The following MYH14 variants were observed in gnomAD, a reference collection of about 807,000 sequenced individuals.
MYH14 encodes myosin heavy chain 14.
MYH14 carries 123 observed loss-of-function variants against 255.5 expected under a neutral mutation model. The ratio of observed to expected loss-of-function variants is 0.48; its 90% CI spans 0.42 to 0.56. The LOEUF is 0.56. MYH14 is among the 20% of genes least tolerant of loss of function. The pLI, the probability that MYH14 is intolerant of heterozygous loss-of-function variation, is 0.00. For synonymous variants in MYH14, 1,095 were observed against 1,161.2 expected, an observed-to-expected ratio of 0.94 and a Z score of 1.16; for missense variants, 2,423 against 2,802.3, an observed-to-expected ratio of 0.86 and a Z score of 3.06.
intron 17 of MYH14, 29 bp from the exon 18 acceptor site, chr19:50,257,268 TTC>T (rs763157289): frequency 2.7e-3 from 4,009 of 1,458,746 alleles, no homozygotes; most frequent in South Asian, 6.4e-3. Context: ...CCTGACCTCC[TTC>T]TCTCTCTCTC....
intron 10 of MYH14, among the ~76,000 whole-genome samples, chr19:50,243,065 G>A (rs1368878283): frequency 6.6e-6 from 1 of 152,146 alleles, no homozygotes; most frequent in East Asian, 1.9e-4. Context: ...GAGTTACGGT[G>A]CTGTTGGCCT....
chr19:50,286,494 G>A lies in MYH14; in HGVS notation c.4552G>A (p.Glu1518Lys). 6.2e-7 allele frequency: 1 copy of A among 1,612,768 alleles called. No individual in the cohort carries two copies. The highest frequency in any genetic ancestry group is 8.5e-7 in the Non-Finnish European group (1 of 1,179,130). ...CTCAAACTGGAAGCTTCTGGCAGAG[G>A]AGAAGGCAGCTGTACTTCGGGCAGT... ...QRKFDQLLAE[E>K]KAAVLRAVEE... The change falls in exon 34 of 43, where the codon GAG becomes AAG. Residue 1518 changes from glutamate (E) to lysine (K), a missense_variant. By Grantham distance (56) the Glu-to-Lys change is moderately conservative (BLOSUM62 1). Around this residue, in one of 3 missense-constraint regions of MYH14, gnomAD observed 1,513 missense variants for 1,674.8 expected, o/e 0.90. Coordinates refer to ENST00000642316, the MANE Select transcript of MYH14 (RefSeq NM_001145809.2).
Position 50,280,566 on chromosome 19 carries a change from C to T in MYH14, c.4290+183C>T, listed in dbSNP as rs1012962285. Among the ~76,000 whole-genome samples, 1 of 152,158 alleles carries T rather than the reference C, an allele frequency of 6.6e-6. No individual in the cohort carries two copies. Among genetic ancestry groups the T allele is most frequent in the Non-Finnish European group, 1.5e-5 (1 of 68,014 alleles). The stretch of plus-strand genomic sequence containing the variant: ...ATGCCCAGCCCTGGCTGTCCTGACC[C>T]CTGACTCTCAGCCTCATCCCTTGTC... On this transcript the variant is annotated intron_variant, in intron 32 of 42. Coordinates refer to ENST00000642316, the MANE Select transcript of MYH14 (RefSeq NM_001145809.2). The surrounding 1 kb of genome is among the most constrained non-coding windows in gnomAD (Gnocchi z 4.8).
chr19:50,270,697 TA>T (rs1448593313), intron 24 of MYH14, among the ~76,000 whole-genome samples: 1,159 of 54,412 alleles, frequency 0.021, 12 homozygotes, highest in African/African-American at 0.079. Flanking sequence ...ATTTATTATT[TA>T]TTTATTTTTT....
chr19:50,226,542 C>T (rs1222311150), intron 7 of MYH14, among the ~76,000 whole-genome samples: 4 of 147,438 alleles, frequency 2.7e-5, no homozygotes, highest in African/African-American at 7.6e-5. Context: ...GGGCCCAGAT[C>T]CCTGGGTCTG....
chr19:50,298,691 C>T (rs946704443), intron 39 of MYH14, among the ~76,000 whole-genome samples: 3 of 149,742 alleles, frequency 2.0e-5, no homozygotes, highest in Non-Finnish European at 3.0e-5. Context: ...GCAGAGGTTA[C>T]AGTGAGCCGA....
intron 33 of MYH14, chr19:50,285,710 G>A (rs990316441): frequency 2.0e-5 from 3 of 152,054 alleles, no homozygotes; most frequent in Non-Finnish European, 2.9e-5. Flanking sequence ...ACCCTTCTAG[G>A]ACTCCAAATG....
intron 3 of MYH14, among the ~76,000 whole-genome samples, chr19:50,222,495 A>AAG (rs1425886737): frequency 6.6e-6 from 1 of 151,600 alleles, no homozygotes; most frequent in Non-Finnish European, 1.5e-5. Context: ...AAAAAAAAAA[A>AAG]AAAAAGAACC....
At position 50,286,644 on chromosome 19, in the gene MYH14, C is replaced by A. The variant is rs559910733; in HGVS notation, c.4702C>A (p.Arg1568=). The part of the protein sequence containing the change: ...EELERQNRAL[R]AELEALLSSK... ...GCTGGAGCGGCAGAACCGGGCCCTGCGGGCTGAGCTGGAGGCACTGCTGAG... is the reference window on the plus strand; with the variant it reads ...GCTGGAGCGGCAGAACCGGGCCCTGAGGGCTGAGCTGGAGGCACTGCTGAG... The change falls in exon 34 of 43, where the codon CGG becomes AGG. Residue 1568 remains arginine (R), a synonymous_variant. Coordinates refer to ENST00000642316, the MANE Select transcript of MYH14 (RefSeq NM_001145809.2). 6.3e-7 allele frequency: 1 copy of A among 1,589,318 alleles called. No individual in the cohort carries two copies. The highest frequency in any genetic ancestry group is 2.3e-5 in the East Asian group (1 of 43,872).
intron 42 of MYH14, 89 bp downstream of exon 42, chr19:50,309,266 A>C: frequency 1.2e-4 from 157 of 1,269,646 alleles, no homozygotes; most frequent in Non-Finnish European, 1.7e-4. Flanking sequence ...AGGGGCAACA[A>C]CAGGGGGAAA....
intron 19 of MYH14, among the ~76,000 whole-genome samples, chr19:50,259,647 G>A (rs1019114651): frequency 2.6e-5 from 4 of 152,200 alleles, no homozygotes; most frequent in Non-Finnish European, 4.4e-5. Flanking sequence ...GGGAGGCCGA[G>A]GCAGACAGAT....
rs971978463 is a variant in MYH14, at chr19:50,256,883, T to A, written c.2045-416T>A. Among the ~76,000 whole-genome samples the A allele has an allele frequency of 3.9e-5, 6 of 152,392 alleles. No individual in the cohort carries two copies. In the East Asian group the frequency reaches 1.2e-3, roughly 29 times the overall value. On this transcript the variant is annotated intron_variant, in intron 17 of 42. Coordinates refer to ENST00000642316, the MANE Select transcript of MYH14 (RefSeq NM_001145809.2). Reference sequence around the variant, plus strand: ...TCCAAATCTGTAAAATGGGAATGATTCTTACAGGCTTATAAAGCCATTGAT... The same window carrying A: ...TCCAAATCTGTAAAATGGGAATGATACTTACAGGCTTATAAAGCCATTGAT...
intron 42 of MYH14, 170 bp downstream of exon 42, chr19:50,309,347 C>A (rs2036766345): frequency 1.5e-6 from 1 of 677,280 alleles, no homozygotes; most frequent in Non-Finnish European, 2.6e-6. Context: ...CAGGTAACTT[C>A]TTTCTTCCCA....
chr19:50,215,745 G>A (rs780522911), intron 2 of MYH14, among the ~76,000 whole-genome samples: 1 of 152,172 alleles, frequency 6.6e-6, no homozygotes, highest in Non-Finnish European at 1.5e-5. Context: ...TTTGAGCCCA[G>A]GAGGTAGAGG....
intron 10 of MYH14, among the ~76,000 whole-genome samples, chr19:50,238,090 G>A (rs598230): frequency 0.96 from 146,814 of 152,294 alleles, 70,815 homozygotes; most frequent in African/African-American, 0.99. Flanking sequence ...TTACATCTCT[G>A]CCTGCCACCC....
chr19:50,214,482 G>A (rs545174720), intron 2 of MYH14, among the ~76,000 whole-genome samples: 37 of 152,220 alleles, frequency 2.4e-4, no homozygotes, highest in Non-Finnish European at 4.7e-4. Context: ...TTGGGGCAGG[G>A]AGGGAACCCC....
Position 50,271,389 on chromosome 19 carries a change from C to T in MYH14, c.3034-20C>T, listed in dbSNP as rs71355134. ...ATCTATTGGCCCAGTATCCTCACTC[C>T]TCCTGCCTTCCCACCCCAGGAGCTA... is the stretch of plus-strand genomic sequence containing the variant. On this transcript the variant is annotated intron_variant, in intron 24 of 42. Transcript: ENST00000642316. 1 of 1,591,956 alleles carries T rather than the reference C, an allele frequency of 6.3e-7. No homozygotes were observed. Among genetic ancestry groups the T allele is most frequent in the South Asian group, 1.1e-5 (1 of 87,374 alleles).
chr19:50,204,515 C>G (rs1266055046), intron 1 of MYH14, among the ~76,000 whole-genome samples: 2 of 152,162 alleles, frequency 1.3e-5, no homozygotes, highest in Non-Finnish European at 2.9e-5. Flanking sequence ...GCTGTGTGAT[C>G]TTGAGTGCCT....
At chr19:50,265,200 G>A (rs10401900) in intron 22 of MYH14, among the ~76,000 whole-genome samples, 70,163 of 152,044 alleles carry the variant, frequency 0.46, 16,674 homozygotes, top group Admixed American at 0.59. Context: ...CTGAGCTACA[G>A]CAGCTGAGTG....
Sources: gnomAD v4.1 joint callset for allele counts (sites outside exome capture counted in the v4.1 genomes callset) on GRCh38, gnomAD v4.1.1 for gene constraint, gnomAD v4.1.1 regional missense constraint, Gnocchi (gnomAD v3.1) non-coding constraint, MANE v1.5 for transcripts, NCBI Gene and HGNC (gene_info 2026-07-23, HGNC 2026-07-21) for gene names.